The following BICD1 variants were observed in gnomAD, a reference collection of about 807,000 sequenced individuals.
BICD1 encodes BICD cargo adaptor 1.
BICD1 carries 35 observed loss-of-function variants against 92.5 expected under a neutral mutation model. The ratio of observed to expected loss-of-function variants is 0.38; its 90% confidence interval spans 0.29 to 0.50. BICD1 has a LOEUF of 0.50. Among genes scored for constraint, BICD1 ranks in the 20% least tolerant of loss-of-function variants. The pLI is 0.93. For synonymous variants in BICD1, 429 were observed against 465.1 expected (o/e 0.92, Z 1.00); for missense variants, 950 against 1,189.8 (o/e 0.80, Z 2.97).
chr12:32,253,042 C>T (rs941027688), intron 2 of BICD1, among the ~76,000 whole-genome samples: 2 of 151,972 alleles, frequency 1.3e-5, no homozygotes, highest in African/African-American at 2.4e-5. Flanking sequence ...ACCACCGCAC[C>T]CAGGTAATTT....
intron 1 of BICD1, among the ~76,000 whole-genome samples, chr12:32,132,893 G>A (rs1942602423): frequency 6.6e-6 from 1 of 152,144 alleles, no homozygotes; most frequent in South Asian, 2.1e-4. Flanking sequence ...AAGAGATGAT[G>A]GTGGCTTAGA....
intron 1 of BICD1, among the ~76,000 whole-genome samples, chr12:32,151,745 A>C (rs573600175): frequency 6.6e-6 from 1 of 152,314 alleles, no homozygotes; most frequent in South Asian, 2.1e-4. Flanking sequence ...GAGTCAGAGT[A>C]CACTGAGGCA....
chr12:32,245,310 G>A (rs1244040582), intron 2 of BICD1, among the ~76,000 whole-genome samples: 2 of 150,416 alleles, frequency 1.3e-5, no homozygotes, highest in Admixed American at 6.6e-5. Context: ...GCAGTGGCGC[G>A]ATCTCAGCTC....
intron 1 of BICD1, among the ~76,000 whole-genome samples, chr12:32,127,532 C>T (rs916390387): frequency 7.9e-5 from 12 of 152,108 alleles, no homozygotes; most frequent in African/African-American, 2.4e-4. Flanking sequence ...GTTTGTTGGT[C>T]TATTCTTGTG....
intron 1 of BICD1, among the ~76,000 whole-genome samples, chr12:32,122,447 C>T (rs1942188948): frequency 6.6e-6 from 1 of 150,698 alleles, no homozygotes; most frequent in South Asian, 2.1e-4. Flanking sequence ...TGAGATCGCG[C>T]CACTGCAGTC....
At chr12:32,123,735 A>C (rs951704679) in intron 1 of BICD1, among the ~76,000 whole-genome samples, 9 of 152,106 alleles carry the variant, frequency 5.9e-5, no homozygotes, top group African/African-American at 2.2e-4. Context: ...AAAATAAGCC[A>C]GGCGTGGTGG....
intron 3 of BICD1, among the ~76,000 whole-genome samples, chr12:32,297,921 C>T (rs1947919029): frequency 6.6e-6 from 1 of 152,108 alleles, no homozygotes; most frequent in Non-Finnish European, 1.5e-5. Context: ...CACGGTGGCT[C>T]ATGCCTGTAA....
At chr12:32,168,739 G>T (rs1000074479) in intron 1 of BICD1, among the ~76,000 whole-genome samples, 1 of 152,140 alleles carries the variant, frequency 6.6e-6, no homozygotes, top group Admixed American at 6.5e-5. Context: ...GGAGGCCAAG[G>T]CAGGTGGATC....
At chr12:32,140,130 G>C (rs1942864217) in intron 1 of BICD1, among the ~76,000 whole-genome samples, 1 of 152,184 alleles carries the variant, frequency 6.6e-6, no homozygotes, top group Non-Finnish European at 1.5e-5. Context: ...TGTGTTACCT[G>C]CCATGTTATT....
At chr12:32,278,036 T>C (rs1318558486) in intron 2 of BICD1, among the ~76,000 whole-genome samples, 1 of 152,214 alleles carries the variant, frequency 6.6e-6, no homozygotes, top group Non-Finnish European at 1.5e-5. Context: ...TTGTCGCTGC[T>C]GCTTATCTCT....
rs528684033 is a variant in BICD1, at chr12:32,381,276, A to T, written c.*3649A>T. On this transcript the variant is annotated 3_prime_UTR_variant, in exon 10 of 10. Coordinates refer to ENST00000652176, the MANE Select transcript of BICD1 (RefSeq NM_001714.4). The stretch of plus-strand genomic sequence containing the variant: ...AGAATATAGGACTTTTACTAAAAAA[A>T]TTCAATTGTCAGAGTCTAAAAAAAC... 100 of 152,220 alleles carry T rather than the reference A, an allele frequency of 6.6e-4. No homozygotes were observed. Among genetic ancestry groups the T allele is most frequent in the Admixed American group, 1.6e-3 (25 of 15,264 alleles). 9.4% of individuals were successfully genotyped at this position (152,220 alleles called of 1,614,324 possible).
chr12:32,186,221 C>T (rs917007322), intron 1 of BICD1, among the ~76,000 whole-genome samples: 6 of 152,166 alleles, frequency 3.9e-5, no homozygotes, highest in Non-Finnish European at 7.3e-5. Context: ...TAATGATGCA[C>T]ATTTACTAGA....
At chr12:32,363,885 C>T (rs1939425712) in intron 8 of BICD1, among the ~76,000 whole-genome samples, 1 of 152,092 alleles carries the variant, frequency 6.6e-6, no homozygotes, top group Admixed American at 6.6e-5. Context: ...GTTCCCCTTT[C>T]CTTATAGATG....
intron 1 of BICD1, among the ~76,000 whole-genome samples, chr12:32,200,638 A>G (rs1944878889): frequency 6.6e-6 from 1 of 152,220 alleles, no homozygotes; most frequent in South Asian, 2.1e-4. Flanking sequence ...CATAGGGAAT[A>G]GTGTTGTTAC....
At chr12:32,319,968 C>CT (rs960165927) in intron 4 of BICD1, among the ~76,000 whole-genome samples, 6 of 152,154 alleles carry the variant, frequency 3.9e-5, no homozygotes, top group Admixed American at 3.9e-4. Context: ...CATGAATTTT[C>CT]TTTTCACCAC....
At chr12:32,194,185 A>G (rs928421135) in intron 1 of BICD1, among the ~76,000 whole-genome samples, 2 of 152,220 alleles carry the variant, frequency 1.3e-5, no homozygotes, top group Non-Finnish European at 2.9e-5. Flanking sequence ...CAAATCAGAT[A>G]CAGAAGGAAT....
At chr12:32,150,320 C>A (rs1943253464) in intron 1 of BICD1, among the ~76,000 whole-genome samples, 1 of 152,174 alleles carries the variant, frequency 6.6e-6, no homozygotes, top group African/African-American at 2.4e-5. Context: ...AACATCTGGA[C>A]AGTAGCAATG....
At chr12:32,116,506 C>CTATATATATATA (rs1269090621) in intron 1 of BICD1, among the ~76,000 whole-genome samples, 51 of 86,866 alleles carry the variant, frequency 5.9e-4, no homozygotes, top group East Asian at 1.8e-3. Flanking sequence ...CTCTCTCTCT[C>CTATATATATATA]TCTCTATATA....
At chr12:32,284,657 G>A (rs1248420172) in intron 2 of BICD1, among the ~76,000 whole-genome samples, 3 of 152,120 alleles carry the variant, frequency 2.0e-5, no homozygotes, top group Admixed American at 6.5e-5. Context: ...AGGTCTGATC[G>A]TGTGGCTGTT....
Sources: gnomAD v4.1 joint callset for allele counts (sites outside exome capture counted in the v4.1 genomes callset) on GRCh38, gnomAD v4.1.1 for gene constraint, MANE v1.5 for transcripts, NCBI Gene and HGNC (gene_info 2026-07-23, HGNC 2026-07-21) for gene names.